TMEM67: variants seen among roughly 807,000 people sequenced by gnomAD.
TMEM67 encodes the protein transmembrane protein 67, also known as meckelin.
TMEM67 carries 124 observed loss-of-function variants against 136.6 expected under a neutral mutation model. That is an observed-to-expected ratio of 0.91 (90% CI 0.78 to 1.05). The LOEUF (loss-of-function observed/expected upper bound fraction) is 1.05. TMEM67 is among the 50% of genes least tolerant of loss of function. The pLI, the probability that TMEM67 is intolerant of heterozygous loss-of-function variation, is 0.00. For missense variants in TMEM67, 1,107 were observed against 1,178.4 expected (o/e 0.94, Z 0.89); for synonymous variants, 364 against 390.5 (o/e 0.93, Z 0.80).
intron 26 of TMEM67, among the ~76,000 whole-genome samples, chr8:93,814,715 G>C (rs1387545947): frequency 3.5e-5 from 5 of 144,072 alleles, no homozygotes. Flanking sequence ...TTGAACTCCT[G>C]GCCTCAAGCA....
chr8:93,808,270 A>C (rs1239503210), intron 23 of TMEM67, among the ~76,000 whole-genome samples: 1 of 144,418 alleles, frequency 6.9e-6, no homozygotes, highest in Admixed American at 7.1e-5. Flanking sequence ...TAAATATATA[A>C]ATATATATAC....
In TMEM67 at chr8:93,797,336, G is replaced by A. The variant is rs768569505; in HGVS notation, c.1966G>A (p.Gly656Ser). The change falls in exon 20 of 28, where the codon GGT becomes AGT. Residue 656 changes from glycine to serine, a missense_variant. Around this residue, in one of 3 missense-constraint regions of TMEM67, gnomAD observed 925 missense variants for 1,002.4 expected, o/e 0.92. Transcript: ENST00000453321. ...GKVLKAVEGE[G>S]GVRSATVPVS... ...CATTTTATTTTCCTGACCAGGTGAG[G>A]GTGGTGTACGAAGTGCCACTGTTCC... 3.1e-6 allele frequency: 5 copies of A among 1,614,098 alleles called. No homozygotes were observed. Among genetic ancestry groups the A allele is most frequent in the African/African-American group, 2.7e-5 (2 of 75,050 alleles).
chr8:93,810,356 G>A (rs1467314073), intron 26 of TMEM67, among the ~76,000 whole-genome samples: 1 of 151,652 alleles, frequency 6.6e-6, no homozygotes, highest in African/African-American at 2.4e-5. Flanking sequence ...CGAGGCAGGT[G>A]GATCACCTGA....
At chr8:93,791,413 C>T in intron 15 of TMEM67, 94 bp downstream of exon 15, 1 of 835,158 alleles carries the variant, frequency 1.2e-6, no homozygotes, top group Non-Finnish European at 2.0e-6. Context: ...AATTTGCCAG[C>T]TATTCTTTCC....
At chr8:93,779,478 C>G (rs1813710636) in intron 7 of TMEM67, among the ~76,000 whole-genome samples, 1 of 152,150 alleles carries the variant, frequency 6.6e-6, no homozygotes, top group African/African-American at 2.4e-5. Context: ...TCTGGTTTCT[C>G]CCCATCTTTA....
At chr8:93,765,765 A>G (rs148067554) in intron 6 of TMEM67, 119 bp downstream of exon 6, 308 of 749,190 alleles carry the variant, frequency 4.1e-4, no homozygotes, top group Non-Finnish European at 6.3e-4. Flanking sequence ...ACAGAAAAAA[A>G]TCAATCTAAG....
At chr8:93,814,783 G>T (rs1049866229) in intron 26 of TMEM67, among the ~76,000 whole-genome samples, 1 of 151,632 alleles carries the variant, frequency 6.6e-6, no homozygotes, top group African/African-American at 2.4e-5. Context: ...CACTGTGCCC[G>T]GCCTCATCAT....
At chr8:93,761,692 A>G (rs1369323831) in intron 3 of TMEM67, among the ~76,000 whole-genome samples, 3 of 152,262 alleles carry the variant, frequency 2.0e-5, no homozygotes, top group Non-Finnish European at 4.4e-5. Flanking sequence ...ATGGAAAGAA[A>G]TCTAAGATAT....
downstream of TMEM67, among the ~76,000 whole-genome samples, chr8:93,819,533 A>G (rs1235074204): frequency 6.6e-6 from 1 of 152,204 alleles, no homozygotes; most frequent in African/African-American, 2.4e-5. Flanking sequence ...TGTAAGAGAA[A>G]GAGGTAAATT....
intron 23 of TMEM67, among the ~76,000 whole-genome samples, chr8:93,805,442 G>C (rs1815096028): frequency 6.6e-6 from 1 of 152,034 alleles, no homozygotes; most frequent in Non-Finnish European, 1.5e-5. Context: ...AAATTAGCCG[G>C]GCATGGTCGC....
chr8:93,787,374 C>T (rs981578078), intron 13 of TMEM67, among the ~76,000 whole-genome samples: 8 of 152,150 alleles, frequency 5.3e-5, no homozygotes, highest in African/African-American at 1.9e-4. Context: ...TCCCAAAGTG[C>T]TGGGATTACA....
At chr8:93,806,464 G>A (rs1224294635) in intron 23 of TMEM67, among the ~76,000 whole-genome samples, 1 of 152,148 alleles carries the variant, frequency 6.6e-6, no homozygotes, top group Non-Finnish European at 1.5e-5. Context: ...GAAAATTTGG[G>A]AGGATAGATG....
chr8:93,799,904 CTTTTTTTTTTTTTT>C, intron 21 of TMEM67, 146 bp downstream of exon 21: 2 of 347,456 alleles, frequency 5.8e-6, no homozygotes, highest in Non-Finnish European at 1.0e-5. Flanking sequence ...ATGGTCAGTT[CTTTTTTTTTTTTTT>C]TTTTTTTGAA....
At chr8:93,806,552 T>C (rs1446539708) in intron 23 of TMEM67, among the ~76,000 whole-genome samples, 2 of 152,152 alleles carry the variant, frequency 1.3e-5, no homozygotes, top group African/African-American at 2.4e-5. Flanking sequence ...TATGTACATT[T>C]GGAAAACTTC....
chr8:93,796,107 G>A lies in TMEM67; in HGVS notation c.1860+120G>A, dbSNP rs923847342. The A allele has an allele frequency of 1.0e-4, 75 of 737,746 alleles. No homozygotes were observed. The East Asian group carries it at 1.8e-3, about 17-fold the overall frequency. 45.7% of individuals were successfully genotyped at this position (737,746 alleles called of 1,614,324 possible). ...AAATTCACTTTGGTTTTGAAAGAAAGCATTAATTATTTTATGTGGTAAATT... is the reference window on the plus strand; with the variant it reads ...AAATTCACTTTGGTTTTGAAAGAAAACATTAATTATTTTATGTGGTAAATT... On this transcript the variant is annotated intron_variant, in intron 18 of 27. Coordinates refer to ENST00000453321, the MANE Select transcript of TMEM67 (RefSeq NM_153704.6).
intron 22 of TMEM67, among the ~76,000 whole-genome samples, chr8:93,804,002 G>A (rs1357341136): frequency 2.0e-5 from 3 of 151,392 alleles, no homozygotes; most frequent in Admixed American, 6.6e-5. Flanking sequence ...AACCTCCTGA[G>A]TAGCTGGGAT....
chr8:93,765,363 A>G, intron 4 of TMEM67, 43 bp from the exon 5 acceptor site: 1 of 1,489,278 alleles, frequency 6.7e-7, no homozygotes, highest in Non-Finnish European at 9.3e-7. Context: ...GGTTTAGTAT[A>G]ATTTATTAAC....
At chr8:93,758,774 T>G in intron 3 of TMEM67, 198 bp downstream of exon 3, 1 of 556,004 alleles carries the variant, frequency 1.8e-6, no homozygotes, top group Non-Finnish European at 3.2e-6. Context: ...AATTTTTAAA[T>G]TTTTTGTAGA....
Position 93,816,461 on chromosome 8 carries a change from A to G in TMEM67, c.*9A>G, listed in dbSNP as rs369159461. On this transcript the variant is annotated 3_prime_UTR_variant, in exon 28 of 28. Coordinates refer to ENST00000453321, the MANE Select transcript of TMEM67 (RefSeq NM_153704.6). ...AAAGATTTTTGATTTAACTTCCTGA[A>G]TAAATAACTTAAAGACTCAGTATAA... 3.9e-6 allele frequency: 6 copies of G among 1,524,928 alleles called. No individual in the cohort carries two copies. Among genetic ancestry groups the G allele is most frequent in the Admixed American group, 1.7e-5 (1 of 59,466 alleles). 94.5% of individuals were successfully genotyped at this position (1,524,928 alleles called of 1,614,324 possible).
Sources: allele counts gnomAD v4.1 joint callset (sites outside exome capture counted in the v4.1 genomes callset), GRCh38; gene constraint gnomAD v4.1.1; regional missense constraint gnomAD v4.1.1; transcripts MANE v1.5; gene names NCBI Gene and HGNC (gene_info 2026-07-23, HGNC 2026-07-21).